FDFT1: variants seen among roughly 807,000 people sequenced by gnomAD.
FDFT1 encodes squalene synthase.
A neutral mutation model predicts 46.8 loss-of-function variants in FDFT1; 68 were observed. The observed-to-expected ratio is 1.45, with a 90% CI of 1.19 to 1.78. The LOEUF is 1.78. Ranked by LOEUF, FDFT1 falls within the 40% of genes most tolerant of loss-of-function variation. FDFT1 has a pLI of 0.00. For missense variants in FDFT1, 928 were observed against 524.4 expected, an observed-to-expected ratio of 1.77 and a Z score of -7.52; for synonymous variants, 351 against 185.1, an observed-to-expected ratio of 1.90 and a Z score of -7.28.
chr8:11,825,591 G>C (rs1809850358), intron 4 of FDFT1, among the ~76,000 whole-genome samples: 1 of 149,688 alleles, frequency 6.7e-6, no homozygotes, highest in Non-Finnish European at 1.5e-5. Flanking sequence ...GGTGGTATTT[G>C]CCTACAATCC....
chr8:11,802,588 T>C (rs1456997346), upstream of FDFT1: 2 of 624,344 alleles, frequency 3.2e-6, no homozygotes, highest in Non-Finnish European at 5.9e-6. Context: ...GCCGGGGTCT[T>C]CCTAGTGTGA....
chr8:11,823,652 T>C (rs2130824572), intron 4 of FDFT1, among the ~76,000 whole-genome samples: 1 of 152,236 alleles, frequency 6.6e-6, no homozygotes, highest in Admixed American at 6.5e-5. Flanking sequence ...AAGGCAGCCT[T>C]GACCTTCTGG....
chr8:11,821,341 C>G (rs1809209091), intron 3 of FDFT1, among the ~76,000 whole-genome samples: 1 of 152,082 alleles, frequency 6.6e-6, no homozygotes, highest in Admixed American at 6.5e-5. Flanking sequence ...GCCTGTAATC[C>G]CAGCAGTTTG....
chr8:11,800,234 C>CT (rs2130638953), upstream of FDFT1, among the ~76,000 whole-genome samples: 1 of 130,890 alleles, frequency 7.6e-6, no homozygotes, highest in East Asian at 2.2e-4. Flanking sequence ...GCACTCCAGC[C>CT]TGGCAACAAG....
chr8:11,838,363 T>C lies in FDFT1; in HGVS notation c.1033-25T>C, dbSNP rs10903343. On this transcript the variant is annotated intron_variant, in intron 7 of 7. Transcript: ENST00000220584. Reference sequence around the variant, plus strand: ...GAAAATGTAAAGCACATAGCACTTATCATTTTTTCCTGTGTCTTTAACAGA... The same window carrying C: ...GAAAATGTAAAGCACATAGCACTTACCATTTTTTCCTGTGTCTTTAACAGA... The C allele has an allele frequency of 0.57, 896,619 of 1,573,532 alleles. 262,533 individuals are homozygous for C. Among genetic ancestry groups the C allele is most frequent in the East Asian group, 0.96 (42,989 of 44,698 alleles).
chr8:11,809,988 G>A, intron 3 of FDFT1, 138 bp downstream of exon 3: 3 of 619,070 alleles, frequency 4.8e-6, no homozygotes, highest in Admixed American at 3.5e-5. Context: ...TAAAAACTCC[G>A]GTAGCCAAGA....
rs1807297755 is a variant in FDFT1 at position 11,808,880 on chromosome 8, T to TG, written c.190dup (p.Glu64GlyfsTer22). On this transcript the variant is annotated frameshift_variant, in exon 2 of 8. Transcript: ENST00000220584. LOFTEE classifies it high-confidence loss of function. The stretch of plus-strand genomic sequence containing the variant: ...TCGCAGCTGTTATCCAGGCGCTGGA[T>TG]GGGGAAATGCGGTGAGTGATGGAGG... 6.2e-7 allele frequency: 1 copy of TG among 1,613,640 alleles called. No homozygotes were observed. The highest frequency in any genetic ancestry group is 8.5e-7 in the Non-Finnish European group (1 of 1,179,888).
At chr8:11,809,625 G>A (rs764962236) in intron 2 of FDFT1, 42 bp from the exon 3 acceptor site, 1 of 1,524,118 alleles carries the variant, frequency 6.6e-7, no homozygotes, top group Non-Finnish European at 8.8e-7. Flanking sequence ...AAAATCTTTG[G>A]CTGTTTGTTC....
chr8:11,826,564 A>T (rs926781017), intron 5 of FDFT1, among the ~76,000 whole-genome samples: 3 of 152,218 alleles, frequency 2.0e-5, no homozygotes, highest in Non-Finnish European at 4.4e-5. Context: ...CTGTAATCCC[A>T]ACAGTTTGAG....
upstream of FDFT1, chr8:11,802,452 C>A (rs1410374341): frequency 4.3e-6 from 2 of 463,514 alleles, no homozygotes; most frequent in South Asian, 1.5e-5. Context: ...CGCTCCCAGC[C>A]GGGGTAAGCG....
At chr8:11,807,801 G>A (rs1807054345) in intron 1 of FDFT1, 2 of 152,218 alleles carry the variant, frequency 1.3e-5, no homozygotes, top group East Asian at 1.9e-4. Flanking sequence ...AATAGTAGAG[G>A]CTTAATAGGT....
chr8:11,817,893 C>T (rs573128422), intron 3 of FDFT1, among the ~76,000 whole-genome samples: 1 of 151,684 alleles, frequency 6.6e-6, no homozygotes, highest in Non-Finnish European at 1.5e-5. Context: ...TATTTCTTGC[C>T]TTTTACTAGC....
At chr8:11,825,610 C>A (rs757870064) in intron 4 of FDFT1, among the ~76,000 whole-genome samples, 1 of 147,830 alleles carries the variant, frequency 6.8e-6, no homozygotes, top group African/African-American at 2.5e-5. Context: ...CCCAGCTGTT[C>A]GGGAAGCTGA....
chr8:11,830,279 T>G lies in FDFT1; in HGVS notation c.738T>G (p.Phe246Leu). 4.3e-6 allele frequency: 7 copies of G among 1,614,122 alleles called. No individual in the cohort carries two copies. The highest frequency in any genetic ancestry group is 1.1e-5 in the South Asian group (1 of 91,072). Residue 246 changes from phenylalanine (F) to leucine (L), a missense_variant, in exon 6 of 8, where the codon TTT becomes TTG. Phe to Leu is a conservative substitution (Grantham distance 22). Coordinates refer to ENST00000220584, the MANE Select transcript of FDFT1 (RefSeq NM_004462.5). ...WSRYVKKLGD[F>L]AKPENIDLAV... Reference sequence around the variant, plus strand: ...GGTATGTTAAGAAGTTAGGGGATTTTGCTAAGCCGGAGAATATTGACTTGG... The same window carrying G: ...GGTATGTTAAGAAGTTAGGGGATTTGGCTAAGCCGGAGAATATTGACTTGG...
chr8:11,817,508 G>A (rs900819865), intron 3 of FDFT1, among the ~76,000 whole-genome samples: 1 of 152,146 alleles, frequency 6.6e-6, no homozygotes, highest in East Asian at 1.9e-4. Flanking sequence ...ACTTTCTTTG[G>A]TTGGTAGGCT....
At chr8:11,819,717 A>G (rs761618729) in intron 3 of FDFT1, among the ~76,000 whole-genome samples, 3 of 152,026 alleles carry the variant, frequency 2.0e-5, no homozygotes, top group Admixed American at 1.3e-4. Flanking sequence ...GCTCTTCTCT[A>G]CACTGGTTAT....
chr8:11,823,960 G>T (rs1809609924), intron 4 of FDFT1, among the ~76,000 whole-genome samples: 1 of 151,932 alleles, frequency 6.6e-6, no homozygotes, highest in Non-Finnish European at 1.5e-5. Context: ...TGCCTAGGCT[G>T]GTCTTGAGCT....
intron 4 of FDFT1, among the ~76,000 whole-genome samples, chr8:11,824,907 T>C (rs1809755737): frequency 6.6e-6 from 1 of 152,070 alleles, no homozygotes. Context: ...GCTAATTTTT[T>C]TGTATTTTTA....
At chr8:11,822,696 C>T (rs985542579) in intron 4 of FDFT1, among the ~76,000 whole-genome samples, 5 of 152,064 alleles carry the variant, frequency 3.3e-5, no homozygotes, top group South Asian at 2.1e-4. Flanking sequence ...TGCCTGTGGT[C>T]CCAGCTACTC....
Sources: gnomAD v4.1 joint callset for allele counts (sites outside exome capture counted in the v4.1 genomes callset) on GRCh38, gnomAD v4.1.1 for gene constraint, MANE v1.5 for transcripts, NCBI Gene and HGNC (gene_info 2026-07-23, HGNC 2026-07-21) for gene names.